The following PTCHD4 variants were observed in gnomAD, a reference collection of about 807,000 sequenced individuals.
PTCHD4 encodes the protein patched domain containing 4.
Under a neutral mutation model 58.1 loss-of-function variants are expected in PTCHD4, and 33 were observed. That is an observed-to-expected ratio of 0.57 (90% confidence interval 0.43 to 0.76). PTCHD4 has a LOEUF of 0.76. Among genes scored for constraint, PTCHD4 ranks in the 30% least tolerant of loss-of-function variants. PTCHD4 has a pLI of 0.00. For synonymous variants in PTCHD4, 478 were observed against 409.6 expected (o/e 1.17, Z -2.02); for missense variants, 1,058 against 1,027.1 (o/e 1.03, Z -0.41).
intron 1 of PTCHD4, among the ~76,000 whole-genome samples, chr6:48,093,172 C>A (rs969164845): frequency 1.3e-5 from 2 of 152,118 alleles, no homozygotes; most frequent in Admixed American, 6.5e-5. Flanking sequence ...AGGATTCCTG[C>A]AAGGCACATA....
intron 4 of PTCHD4, among the ~76,000 whole-genome samples, chr6:47,948,761 A>G (rs1032109509): frequency 3.9e-5 from 6 of 152,124 alleles, no homozygotes; most frequent in African/African-American, 1.4e-4. Flanking sequence ...AGCTCTGTTT[A>G]CACCTTTCAA....
At chr6:47,964,332 T>A (rs1678451736) in intron 4 of PTCHD4, among the ~76,000 whole-genome samples, 2 of 152,070 alleles carry the variant, frequency 1.3e-5, no homozygotes, top group South Asian at 2.1e-4. Context: ...CATTTTTTTT[T>A]AAAGGAAGTT....
At chr6:48,089,543 AT>A (rs1457072725) in intron 1 of PTCHD4, among the ~76,000 whole-genome samples, 1 of 152,250 alleles carries the variant, frequency 6.6e-6, no homozygotes, top group Non-Finnish European at 1.5e-5. Context: ...CCAACAATGA[AT>A]CTTTTGAAAA....
chr6:47,886,685 A>AGTTT (rs1399899878), intron 4 of PTCHD4, among the ~76,000 whole-genome samples: 1 of 152,268 alleles, frequency 6.6e-6, no homozygotes, highest in Admixed American at 6.5e-5. Context: ...AACTCAGTCC[A>AGTTT]GCAAAGCAGA....
chr6:48,067,822 CTTTTTTTTTTTA>C (rs1562036575), intron 3 of PTCHD4, among the ~76,000 whole-genome samples: 2 of 146,428 alleles, frequency 1.4e-5, no homozygotes, highest in African/African-American at 5.0e-5. Flanking sequence ...TTTCATTTTT[CTTTTTTTTTTTA>C]TTTTTGGTAT....
At chr6:47,957,729 T>C (rs188272460) in intron 4 of PTCHD4, among the ~76,000 whole-genome samples, 119 of 151,728 alleles carry the variant, frequency 7.8e-4, no homozygotes, top group African/African-American at 2.8e-3. Context: ...GTATCTAGAG[T>C]AGCTGGGACT....
intron 3 of PTCHD4, among the ~76,000 whole-genome samples, chr6:48,026,057 T>C (rs547149783): frequency 2.0e-5 from 3 of 152,292 alleles, no homozygotes; most frequent in African/African-American, 7.2e-5. Context: ...AGGTCTTCTG[T>C]ATCACCCTAA....
chr6:48,048,547 C>T (rs937383191), intron 3 of PTCHD4, among the ~76,000 whole-genome samples: 1 of 151,896 alleles, frequency 6.6e-6, no homozygotes, highest in Non-Finnish European at 1.5e-5. Context: ...ATTTTTTCTA[C>T]AGCTTCCCCT....
At chr6:47,953,102 A>G (rs1391173545) in intron 4 of PTCHD4, among the ~76,000 whole-genome samples, 1 of 150,712 alleles carries the variant, frequency 6.6e-6, no homozygotes, top group Non-Finnish European at 1.5e-5. Flanking sequence ...TGACGACACT[A>G]TAAATGACAG....
chr6:47,973,048 TTTC>T (rs1767574569), intron 4 of PTCHD4, among the ~76,000 whole-genome samples: 1 of 152,180 alleles, frequency 6.6e-6, no homozygotes, highest in Non-Finnish European at 1.5e-5. Context: ...TTTATTATTT[TTTC>T]TTCATGTACA....
intron 4 of PTCHD4, among the ~76,000 whole-genome samples, chr6:47,889,900 C>A (rs1362509277): frequency 6.6e-6 from 1 of 151,950 alleles, no homozygotes; most frequent in African/African-American, 2.4e-5. Context: ...AATAAACTAC[C>A]ATCAGAGTGA....
intron 4 of PTCHD4, among the ~76,000 whole-genome samples, chr6:47,897,414 G>A (rs1178701535): frequency 6.6e-6 from 1 of 152,122 alleles, no homozygotes; most frequent in Non-Finnish European, 1.5e-5. Context: ...ACGCAGTCCT[G>A]GACTTGTTTT....
At chr6:47,890,814 A>G (rs1764354568) in intron 4 of PTCHD4, 1 of 777,884 alleles carries the variant, frequency 1.3e-6, no homozygotes, top group Non-Finnish European at 1.6e-6. Context: ...CACACACAGG[A>G]TGGCTTGCTT....
Position 47,879,541 on chromosome 6 carries a change from G to C in PTCHD4, c.1294C>G (p.His432Asp). ...VMSDGHQQTS[H>D]HETNPYQHHF... ...TGCTGGTAGGGGTTCGTCTCATGAT[G>C]GGACGTCTGTTGATGCCCATCACTC... Residue 432 changes from histidine to aspartate, a missense_variant, in exon 5 of 5, where the codon CAT (histidine) becomes GAT (aspartate). His to Asp is a moderately conservative substitution (Grantham distance 81). Transcript: ENST00000339488. 2 of 1,613,776 alleles carry C rather than the reference G, an allele frequency of 1.2e-6. No homozygotes were observed. Among genetic ancestry groups the C allele is most frequent in the South Asian group, 2.2e-5 (2 of 91,080 alleles).
chr6:47,997,448 A>C (rs1230798033), intron 4 of PTCHD4, among the ~76,000 whole-genome samples: 6 of 152,154 alleles, frequency 3.9e-5, no homozygotes, highest in Non-Finnish European at 8.8e-5. Flanking sequence ...TATATCATTA[A>C]ATAGAATATT....
At chr6:47,879,968 T>A in intron 4 of PTCHD4, 32 bp from the exon 5 acceptor site, 2 of 1,416,990 alleles carry the variant, frequency 1.4e-6, no homozygotes, top group South Asian at 1.5e-5. Context: ...ATAATAATTA[T>A]TTTTATTTCC....
chr6:47,948,221 G>A (rs1027244228), intron 4 of PTCHD4, among the ~76,000 whole-genome samples: 1 of 152,196 alleles, frequency 6.6e-6, no homozygotes. Context: ...CCAGCCGGAG[G>A]TGCCCTCAGC....
At chr6:47,991,680 G>A (rs1768284605) in intron 4 of PTCHD4, among the ~76,000 whole-genome samples, 2 of 151,800 alleles carry the variant, frequency 1.3e-5, no homozygotes, top group Non-Finnish European at 2.9e-5. Flanking sequence ...CATGTAAGTC[G>A]GGAGGAAGTC....
At chr6:48,052,289 A>G (rs1171825732) in intron 3 of PTCHD4, among the ~76,000 whole-genome samples, 1 of 151,938 alleles carries the variant, frequency 6.6e-6, no homozygotes, top group Non-Finnish European at 1.5e-5. Context: ...TTTTAGTCAG[A>G]GAGGTGAAGG....
Sources: allele counts gnomAD v4.1 joint callset (sites outside exome capture counted in the v4.1 genomes callset), GRCh38; gene constraint gnomAD v4.1.1; transcripts MANE v1.5; gene names NCBI Gene and HGNC (gene_info 2026-07-23, HGNC 2026-07-21).